The following TSHR variants were observed in gnomAD, a reference collection of about 807,000 sequenced individuals.
TSHR encodes the protein thyroid stimulating hormone receptor.
Under a neutral mutation model 64.1 loss-of-function variants are expected in TSHR, and 51 were observed. The ratio of observed to expected loss-of-function variants is 0.80; its 90% CI spans 0.64 to 1.01. The LOEUF (loss-of-function observed/expected upper bound fraction) is 1.01. Ranked by LOEUF, TSHR falls within the 50% of genes least tolerant of loss-of-function variation. The pLI is 0.00. For missense variants in TSHR, 877 were observed against 942.8 expected (o/e 0.93, Z 0.91); for synonymous variants, 361 against 361.9 (o/e 1.00, Z 0.03).
intron 1 of TSHR, among the ~76,000 whole-genome samples, chr14:81,017,807 C>T (rs1883498800): frequency 6.6e-6 from 1 of 151,974 alleles, no homozygotes; most frequent in Non-Finnish European, 1.5e-5. Flanking sequence ...GCCTGATCAC[C>T]CCAAATGCCG....
chr14:81,007,972 T>C (rs773727527), intron 1 of TSHR, among the ~76,000 whole-genome samples: 18 of 152,328 alleles, frequency 1.2e-4, no homozygotes, highest in Non-Finnish European at 2.5e-4. Context: ...CACCATATTA[T>C]GTATTGATCA....
chr14:81,064,936 T>C (rs1371645513), intron 2 of TSHR, among the ~76,000 whole-genome samples: 1 of 152,192 alleles, frequency 6.6e-6, no homozygotes, highest in Non-Finnish European at 1.5e-5. Context: ...GGTCACTTTT[T>C]ACATCATAAC....
At chr14:80,982,094 T>C in intron 1 of TSHR, 2 of 543,948 alleles carry the variant, frequency 3.7e-6, no homozygotes, top group Non-Finnish European at 6.9e-6. Context: ...TGGTTAGGCC[T>C]GTAGCCAATA....
chr14:81,108,494 C>CTTTTTTTTTTTTTTTT, intron 8 of TSHR, 42 bp downstream of exon 8: 1 of 1,345,706 alleles, frequency 7.4e-7, no homozygotes, highest in South Asian at 1.3e-5. Context: ...CTTTTTTTTT[C>CTTTTTTTTTTTTTTTT]TTTTTTTTTT....
chr14:81,081,839 A>T (rs2139948443), intron 3 of TSHR, among the ~76,000 whole-genome samples: 1 of 152,240 alleles, frequency 6.6e-6, no homozygotes, highest in South Asian at 2.1e-4. Context: ...AGTGCACCTA[A>T]TAGATGTCCA....
intron 1 of TSHR, among the ~76,000 whole-genome samples, chr14:81,037,448 A>AAAAAAAAAAAAAAAC (rs1273226258): frequency 3.9e-5 from 5 of 128,540 alleles, no homozygotes; most frequent in Non-Finnish European, 3.7e-5. Context: ...AACAAACAAA[A>AAAAAAAAAAAAAAAC]AACAGAAAAT....
At chr14:81,014,569 G>T (rs1223496706) in intron 1 of TSHR, among the ~76,000 whole-genome samples, 1 of 152,150 alleles carries the variant, frequency 6.6e-6, no homozygotes, top group Non-Finnish European at 1.5e-5. Context: ...CTGAGAGTTT[G>T]ATTGAACAAT....
chr14:80,972,262 T>C (rs944883514), intron 1 of TSHR, among the ~76,000 whole-genome samples: 3 of 152,324 alleles, frequency 2.0e-5, no homozygotes, highest in African/African-American at 4.8e-5. Context: ...TTTTTTGTAC[T>C]ACCTTAAAAA....
At chr14:81,053,736 G>T (rs1375202183) in intron 1 of TSHR, 1 of 152,164 alleles carries the variant, frequency 6.6e-6, no homozygotes, top group Non-Finnish European at 1.5e-5. Context: ...ATGAGTATGT[G>T]TGTCCATAAA....
intron 1 of TSHR, among the ~76,000 whole-genome samples, chr14:80,979,727 T>C (rs1020118937): frequency 1.3e-5 from 2 of 152,244 alleles, no homozygotes; most frequent in Non-Finnish European, 2.9e-5. Flanking sequence ...TTATTCTTGA[T>C]ACTTTCTTCT....
chr14:81,064,466 C>T (rs1414078866), intron 2 of TSHR, among the ~76,000 whole-genome samples: 1 of 152,012 alleles, frequency 6.6e-6, no homozygotes, highest in Non-Finnish European at 1.5e-5. Context: ...CACATCAGGA[C>T]ACAGACAGAA....
intron 3 of TSHR, among the ~76,000 whole-genome samples, chr14:81,080,572 C>T (rs962908473): frequency 6.6e-6 from 1 of 152,080 alleles, no homozygotes; most frequent in South Asian, 2.1e-4. Flanking sequence ...TCCTCAATAT[C>T]TCTTATTTTT....
intron 1 of TSHR, chr14:81,050,456 C>T (rs977287971): frequency 2.6e-5 from 4 of 152,110 alleles, no homozygotes; most frequent in African/African-American, 9.7e-5. Context: ...AGAAAAATTG[C>T]TCATACCATC....
At position 81,065,129 on chromosome 14, in the gene TSHR, C is replaced by T. The variant is rs1886517830; in HGVS notation, c.242+2910C>T. The stretch of plus-strand genomic sequence containing the variant: ...AAGCGAGAGTCCTCCTAGTCCACTT[C>T]CCGCCTCACAGATTGAATCCCAGGT... On this transcript the variant is annotated intron_variant, in intron 2 of 9. Coordinates refer to ENST00000298171, the MANE Select transcript of TSHR (RefSeq NM_000369.5). 1.3e-5 allele frequency among the ~76,000 whole-genome samples: 2 copies of T among 152,062 alleles called. 1 individual carries two copies. Among genetic ancestry groups the T allele is most frequent in the Non-Finnish European group, 2.9e-5 (2 of 68,000 alleles).
chr14:81,094,975 A>G (rs1309120083), intron 6 of TSHR, among the ~76,000 whole-genome samples: 2 of 152,152 alleles, frequency 1.3e-5, no homozygotes, highest in African/African-American at 4.8e-5. Context: ...AGAAATTCTC[A>G]GGATCATCCA....
chr14:81,041,042 G>C (rs917645069), intron 1 of TSHR, among the ~76,000 whole-genome samples: 1 of 152,106 alleles, frequency 6.6e-6, no homozygotes, highest in Non-Finnish European at 1.5e-5. Flanking sequence ...TAGAGAAAAA[G>C]GAATGCTTTT....
chr14:81,004,341 T>C (rs917203485), intron 1 of TSHR, among the ~76,000 whole-genome samples: 1 of 152,188 alleles, frequency 6.6e-6, no homozygotes, highest in Non-Finnish European at 1.5e-5. Flanking sequence ...TACTCAGTTA[T>C]CAAGACAATA....
intron 1 of TSHR, among the ~76,000 whole-genome samples, chr14:81,039,893 C>T (rs1449782917): frequency 2.0e-5 from 3 of 152,032 alleles, no homozygotes; most frequent in Admixed American, 2.0e-4. Context: ...CCATACTACT[C>T]CCAAAAGATC....
chr14:80,962,791 G>A (rs553933746), intron 1 of TSHR, among the ~76,000 whole-genome samples: 8 of 152,214 alleles, frequency 5.3e-5, no homozygotes, highest in East Asian at 1.9e-4. Context: ...TCTTCCATAC[G>A]GGACAGAATT....
Sources: allele counts gnomAD v4.1 joint callset (sites outside exome capture counted in the v4.1 genomes callset), GRCh38; gene constraint gnomAD v4.1.1; transcripts MANE v1.5; gene names NCBI Gene and HGNC (gene_info 2026-07-23, HGNC 2026-07-21).